C12orf42: variants seen among roughly 807,000 people sequenced by gnomAD.
The protein encoded by C12orf42 is uncharacterized protein C12orf42.
C12orf42 carries 25 observed loss-of-function variants against 21.6 expected under a neutral mutation model. The ratio of observed to expected loss-of-function variants is 1.16; its 90% CI spans 0.84 to 1.62. C12orf42 has a LOEUF of 1.62. C12orf42 is among the 40% of genes most tolerant of loss of function. C12orf42 has a pLI of 0.00. For synonymous variants in C12orf42, 174 were observed against 175.0 expected (o/e 0.99, Z 0.05); for missense variants, 483 against 459.3 (o/e 1.05, Z -0.47).
At chr12:103,414,383 C>A (rs1029737837) in intron 2 of C12orf42, among the ~76,000 whole-genome samples, 1 of 151,910 alleles carries the variant, frequency 6.6e-6, no homozygotes, top group Admixed American at 6.6e-5. Flanking sequence ...TTCTGGATAC[C>A]AGTCCTTTCC....
chr12:103,551,839 T>A, the C12orf42 span, among the ~76,000 whole-genome samples: 1 of 151,222 alleles, frequency 6.6e-6, no homozygotes, highest in Non-Finnish European at 1.5e-5. Flanking sequence ...ATAATAATAA[T>A]AAAATAATAA....
chr12:103,299,348 T>TA (rs1226366875), downstream of C12orf42, among the ~76,000 whole-genome samples: 12 of 151,628 alleles, frequency 7.9e-5, no homozygotes, highest in African/African-American at 2.9e-4. Context: ...TATTAGCTGT[T>TA]ATTATAATTA....
chr12:103,302,008 G>A lies in C12orf42; in HGVS notation c.*100C>T. On this transcript the variant is annotated 3_prime_UTR_variant, in exon 6 of 6. Transcript: ENST00000548883. ...AAATGCTTCACAAAAGCCTAACAAT[G>A]GTTCTGTGGAAACCAGTACATCTGA... 7.7e-7 allele frequency: 1 copy of A among 1,297,096 alleles called. No individual in the cohort carries two copies. Among genetic ancestry groups the A allele is most frequent in the East Asian group, 2.4e-5 (1 of 42,444 alleles). 80.3% of individuals were successfully genotyped at this position (1,297,096 alleles called of 1,614,324 possible).
chr12:103,376,432 G>C (rs567151649), intron 3 of C12orf42, among the ~76,000 whole-genome samples: 3 of 152,220 alleles, frequency 2.0e-5, no homozygotes, highest in African/African-American at 7.2e-5. Flanking sequence ...GGGAAAGAGA[G>C]CATTAGGACA....
the C12orf42 span, among the ~76,000 whole-genome samples, chr12:103,138,231 G>A: frequency 6.6e-6 from 1 of 152,152 alleles, no homozygotes; most frequent in South Asian, 2.1e-4. Context: ...GATATGGTTT[G>A]GCTCTGTATC....
the C12orf42 span, among the ~76,000 whole-genome samples, chr12:103,167,879 CGTGTGTGT>C: frequency 1.4e-3 from 192 of 134,146 alleles, 2 homozygotes; most frequent in South Asian, 9.7e-3. Context: ...GAGGGGTGGG[CGTGTGTGT>C]GTGTGTGTGT....
chr12:103,341,213 G>T (rs553082539), intron 4 of C12orf42, among the ~76,000 whole-genome samples: 3 of 151,748 alleles, frequency 2.0e-5, no homozygotes, highest in Admixed American at 2.0e-4. Flanking sequence ...ATATTGCCAG[G>T]CATGGTGGCA....
the C12orf42 span, among the ~76,000 whole-genome samples, chr12:103,098,816 T>G: frequency 6.6e-6 from 1 of 152,196 alleles, no homozygotes; most frequent in Non-Finnish European, 1.5e-5. Context: ...CCTATAATAA[T>G]GCCTACAGGG....
the C12orf42 span, among the ~76,000 whole-genome samples, chr12:103,061,596 G>A: frequency 1.3e-4 from 20 of 151,358 alleles, no homozygotes; most frequent in African/African-American, 4.8e-4. Flanking sequence ...TTATATAAGT[G>A]GCAGACTGGC....
chr12:103,287,774 C>G (rs976991978), intron 4 of C12orf42, among the ~76,000 whole-genome samples: 3 of 150,216 alleles, frequency 2.0e-5, no homozygotes, highest in Non-Finnish European at 4.4e-5. Context: ...AAATTCTAAA[C>G]CTACGCACAC....
chr12:103,344,879 T>A (rs1240653779), intron 4 of C12orf42, among the ~76,000 whole-genome samples: 5 of 152,168 alleles, frequency 3.3e-5, no homozygotes, highest in Admixed American at 6.5e-5. Context: ...GACACTGAAC[T>A]GGGAGAAGTG....
intron 4 of C12orf42, among the ~76,000 whole-genome samples, chr12:103,280,630 A>T (rs888383021): frequency 3.3e-5 from 5 of 152,126 alleles, no homozygotes; most frequent in Non-Finnish European, 1.5e-5. Context: ...ACACAAAAAA[A>T]ATCTTGAATG....
At chr12:103,480,088 A>T (rs1954359265) in intron 1 of C12orf42, among the ~76,000 whole-genome samples, 1 of 152,014 alleles carries the variant, frequency 6.6e-6, no homozygotes, top group South Asian at 2.1e-4. Flanking sequence ...TGTGGGAAAA[A>T]TTTAAACTAT....
At chr12:103,218,918 C>T in the C12orf42 span, among the ~76,000 whole-genome samples, 3 of 152,188 alleles carry the variant, frequency 2.0e-5, no homozygotes, top group Non-Finnish European at 4.4e-5. Context: ...AATCTCTGAA[C>T]ACGTAGAAGA....
chr12:103,542,521 C>G, the C12orf42 span, among the ~76,000 whole-genome samples: 9 of 152,210 alleles, frequency 5.9e-5, no homozygotes, highest in Non-Finnish European at 1.2e-4. Context: ...CAGACTGAAA[C>G]CCTTTGTGAT....
the C12orf42 span, among the ~76,000 whole-genome samples, chr12:103,134,096 T>A: frequency 6.6e-6 from 1 of 152,176 alleles, no homozygotes; most frequent in South Asian, 2.1e-4. Flanking sequence ...CATAGATACC[T>A]CTTCAGGAAA....
the C12orf42 span, among the ~76,000 whole-genome samples, chr12:103,160,909 C>T: frequency 6.6e-6 from 1 of 152,076 alleles, no homozygotes; most frequent in Non-Finnish European, 1.5e-5. Context: ...ATACAGTCAC[C>T]CTGTGGAGTA....
At chr12:103,422,058 T>A (rs2049963901) in intron 2 of C12orf42, among the ~76,000 whole-genome samples, 1 of 152,168 alleles carries the variant, frequency 6.6e-6, no homozygotes, top group African/African-American at 2.4e-5. Flanking sequence ...ATTAAATCGC[T>A]CCTTAAATAA....
intron 4 of C12orf42, chr12:103,349,308 G>A (rs1447408156): frequency 1.3e-5 from 2 of 152,124 alleles, no homozygotes. Flanking sequence ...AACTTGAGAA[G>A]CCCACCTTTA....
Sources: allele counts gnomAD v4.1 joint callset (sites outside exome capture counted in the v4.1 genomes callset), GRCh38; gene constraint gnomAD v4.1.1; transcripts MANE v1.5; gene names NCBI Gene and HGNC (gene_info 2026-07-23, HGNC 2026-07-21).